CTPS2: variants seen among roughly 807,000 people sequenced by gnomAD.
The protein encoded by CTPS2 is CTP synthase 2, also known as CTP synthase II.
A neutral mutation model predicts 46.8 loss-of-function variants in CTPS2; 19 were observed. The ratio of observed to expected loss-of-function variants is 0.41; its 90% CI spans 0.28 to 0.60. The LOEUF (loss-of-function observed/expected upper bound fraction) is 0.60. Among genes scored for constraint, CTPS2 ranks in the 20% least tolerant of loss-of-function variants. The pLI, the probability that CTPS2 is intolerant of heterozygous loss-of-function variation, is 0.35. For synonymous variants in CTPS2, 151 were observed against 165.2 expected (o/e 0.91, Z 0.66); for missense variants, 286 against 447.6 (o/e 0.64, Z 3.26).
intron 8 of CTPS2, among the ~76,000 whole-genome samples, chrX:16,686,100 A>C (rs1320417358): frequency 9.0e-6 from 1 of 111,382 alleles, no homozygotes; most frequent in East Asian, 2.8e-4. Flanking sequence ...CTTCGCATCA[A>C]TTAACAATGT....
rs1232150126 is a variant in CTPS2 at position 16,698,819 on chromosome X, G to C, written c.337+104C>G. Reference sequence around the variant, plus strand: ...ACTGGCCTCAGCCTCCCAAAGTGCTGGGATTACAGGCCTGAGCCACCGTGC... The same window carrying C: ...ACTGGCCTCAGCCTCCCAAAGTGCTCGGATTACAGGCCTGAGCCACCGTGC... On this transcript the variant is annotated intron_variant, in intron 3 of 18. Transcript: ENST00000359276. 4.0e-6 allele frequency: 3 copies of C among 758,319 alleles called. No homozygotes were observed. The East Asian group carries it at 1.1e-4, about 27-fold the overall frequency. The allele number at this position is 758,319 out of a possible 1,213,427, so 62.5% of individuals were successfully genotyped here. A position where few individuals can be genotyped will look rare whatever the true frequency, so the allele number is the denominator to read the frequency against.
intron 17 of CTPS2, among the ~76,000 whole-genome samples, chrX:16,597,666 T>C (rs994756658): frequency 5.4e-5 from 6 of 111,882 alleles, no homozygotes; most frequent in African/African-American, 2.0e-4. Context: ...AGGATTGACT[T>C]GGCAATGAGG....
At chrX:16,602,563 G>A (rs972465631) in intron 17 of CTPS2, among the ~76,000 whole-genome samples, 8 of 111,521 alleles carry the variant, frequency 7.2e-5, no homozygotes, top group African/African-American at 2.6e-4. Context: ...TAACATAGGG[G>A]GTGTGTTGAG....
intron 17 of CTPS2, chrX:16,591,082 C>T: frequency 3.5e-6 from 1 of 287,574 alleles, no homozygotes; most frequent in Non-Finnish European, 6.1e-6. Flanking sequence ...TTATTTTCAT[C>T]GTAAACTGGA....
At position 16,695,524 on chromosome X, in the gene CTPS2, T is replaced by C. The variant is rs1055586340; in HGVS notation, c.439-2037A>G. 5.4e-5 allele frequency among the ~76,000 whole-genome samples: 6 copies of C among 111,745 alleles called. No individual in the cohort carries two copies. In the East Asian group the frequency reaches 1.7e-3, roughly 31 times the overall value. On this transcript the variant is annotated intron_variant, in intron 4 of 18. Transcript: ENST00000359276. The stretch of plus-strand genomic sequence containing the variant: ...TGCCTTTGTCTTTAATGAAAGTCTT[T>C]TTTCTTTTTCTTTTTTTATTTTTAT...
intron 7 of CTPS2, among the ~76,000 whole-genome samples, chrX:16,690,990 G>A (rs935317866): frequency 8.9e-6 from 1 of 112,440 alleles, no homozygotes; most frequent in Non-Finnish European, 1.9e-5. Context: ...GCTTCATGTG[G>A]TTCTCTCTCT....
At position 16,663,182 on chromosome X, in the gene CTPS2, C is replaced by T. The variant is rs1164350417; in HGVS notation, c.1296+4332G>A. 3.6e-5 allele frequency among the ~76,000 whole-genome samples: 4 copies of T among 111,781 alleles called. No individual in the cohort carries two copies. In the Admixed American group the frequency reaches 3.8e-4, roughly 11 times the overall value. On this transcript the variant is annotated intron_variant, in intron 13 of 18. Transcript: ENST00000359276. ...TTTTGTTTTGAGACAGGGTCTCGCT[C>T]TGTCACCCAGGCTGGAATGCAGCGG...
intron 17 of CTPS2, among the ~76,000 whole-genome samples, chrX:16,608,952 T>G (rs749700180): frequency 1.8e-5 from 2 of 111,629 alleles, no homozygotes; most frequent in South Asian, 7.5e-4. Context: ...TATATAATCT[T>G]TCCATAAGGA....
intron 17 of CTPS2, among the ~76,000 whole-genome samples, chrX:16,594,486 T>C (rs900776142): frequency 8.9e-6 from 1 of 112,104 alleles, no homozygotes; most frequent in African/African-American, 3.2e-5. Flanking sequence ...GATGTTGCTA[T>C]TGATAGGGGT....
At chrX:16,703,022 ATTT>A (rs759725248) in intron 1 of CTPS2, 81 bp from the exon 2 acceptor site, 1,146 of 442,522 alleles carry the variant, frequency 2.6e-3, no homozygotes, top group Middle Eastern at 3.5e-3. Context: ...ACCAGAATTA[ATTT>A]TTTTTTTTTT....
At position 16,688,033 on chromosome X, in the gene CTPS2, C is replaced by CT. The variant is rs776496579; in HGVS notation, c.872+1416_872+1417insA. ...GGCCAGGATTTGAGTCCAGAACCTACATACGTAACAGCTGCACCTACTGGC... is the reference window on the plus strand; with the variant it reads ...GGCCAGGATTTGAGTCCAGAACCTACTATACGTAACAGCTGCACCTACTGGC... On this transcript the variant is annotated intron_variant, in intron 8 of 18. Coordinates refer to ENST00000359276, the MANE Select transcript of CTPS2 (RefSeq NM_175859.3). Among the ~76,000 whole-genome samples the CT allele has an allele frequency of 3.5e-4, 39 of 111,336 alleles. No individual in the cohort carries two copies. The Admixed American group carries it at 3.8e-3, about 11-fold the overall frequency.
At position 16,689,626 on chromosome X, in the gene CTPS2, T is replaced by C. The variant is rs954065472; in HGVS notation, c.721-25A>G. On this transcript the variant is annotated intron_variant, in intron 7 of 18. Coordinates refer to ENST00000359276, the MANE Select transcript of CTPS2 (RefSeq NM_175859.3). ...CCTAAGTGGCGATGAGAAATCACCA[T>C]ACTTAGATGGATCTATTCAAATATG... is the stretch of plus-strand genomic sequence containing the variant. The C allele has an allele frequency of 6.0e-6, 7 of 1,170,648 alleles. No individual in the cohort carries two copies. In the African/African-American group the frequency reaches 1.1e-4, roughly 18 times the overall value.
intron 2 of CTPS2, among the ~76,000 whole-genome samples, chrX:16,699,916 CT>C (rs760023565): frequency 1.3e-5 from 1 of 75,099 alleles, no homozygotes. Flanking sequence ...TATCACAATA[CT>C]TTTTTTTTCA....
At chrX:16,643,081 T>C (rs1390363655) in intron 13 of CTPS2, among the ~76,000 whole-genome samples, 1 of 112,156 alleles carries the variant, frequency 8.9e-6, no homozygotes, top group Non-Finnish European at 1.9e-5. Flanking sequence ...AGGATAAATA[T>C]GGCACTAATT....
chrX:16,623,837 C>T (rs138319959), intron 14 of CTPS2, among the ~76,000 whole-genome samples: 60 of 72,039 alleles, frequency 8.3e-4, no homozygotes, highest in Admixed American at 1.8e-3. Context: ...GAGACGGAGT[C>T]TCACTCCGTC....
intron 1 of CTPS2, among the ~76,000 whole-genome samples, chrX:16,708,847 G>T (rs1159088173): frequency 8.9e-6 from 1 of 112,300 alleles, no homozygotes; most frequent in Non-Finnish European, 1.9e-5. Context: ...ATAAATTTTT[G>T]TATAAGAAAA....
chrX:16,632,139 G>A (rs1289473589), intron 14 of CTPS2, among the ~76,000 whole-genome samples: 2 of 111,568 alleles, frequency 1.8e-5, no homozygotes, highest in African/African-American at 6.5e-5. Context: ...TTTCCAGATA[G>A]TATAAGCTTT....
intron 13 of CTPS2, among the ~76,000 whole-genome samples, chrX:16,652,865 G>C (rs749026807): frequency 9.0e-6 from 1 of 111,558 alleles, no homozygotes; most frequent in East Asian, 2.8e-4. Context: ...ATCTAGTAAA[G>C]GCTTCAGGAA....
At chrX:16,597,966 G>T (rs1291949172) in intron 17 of CTPS2, among the ~76,000 whole-genome samples, 1 of 107,752 alleles carries the variant, frequency 9.3e-6, no homozygotes, top group Admixed American at 1.0e-4. Context: ...ATTGTGAATG[G>T]GAGTTCACTC....
Sources: allele counts gnomAD v4.1 joint callset (sites outside exome capture counted in the v4.1 genomes callset), GRCh38; gene constraint gnomAD v4.1.1; transcripts MANE v1.5; gene names NCBI Gene and HGNC (gene_info 2026-07-23, HGNC 2026-07-21).